PAPPA2: variants seen among roughly 807,000 people sequenced by gnomAD.
PAPPA2 encodes pappalysin 2.
A neutral mutation model predicts 176.4 loss-of-function variants in PAPPA2; 86 were observed. The ratio of observed to expected loss-of-function variants is 0.49; its 90% CI spans 0.41 to 0.58. PAPPA2 has a LOEUF of 0.58. Among genes scored for constraint, PAPPA2 ranks in the 20% least tolerant of loss-of-function variants. The pLI is 0.00. For missense variants in PAPPA2, 2,073 were observed against 2,256.9 expected (o/e 0.92, Z 1.65); for synonymous variants, 809 against 852.2 (o/e 0.95, Z 0.88).
intron 20 of PAPPA2, among the ~76,000 whole-genome samples, chr1:176,798,847 A>G (rs1012354659): frequency 1.3e-5 from 2 of 152,232 alleles, no homozygotes; most frequent in Non-Finnish European, 2.9e-5. Flanking sequence ...ATCAAACTTT[A>G]TAAGGATTTA....
chr1:176,755,342 T>C (rs1255458705), intron 14 of PAPPA2, among the ~76,000 whole-genome samples: 4 of 152,200 alleles, frequency 2.6e-5, no homozygotes, highest in African/African-American at 4.8e-5. Context: ...AAGACTTCCA[T>C]TTAGCCGTAG....
Position 176,556,581 on chromosome 1 carries a change from C to A in PAPPA2, c.259C>A (p.Gln87Lys). Reference protein sequence around the residue: ...NYLRPYPVGEQEIHHTGRSKP... With the variant: ...NYLRPYPVGEKEIHHTGRSKP... ...CCTAAGGCCCTACCCCGTGGGGGAG[C>A]AAGAAATCCATCATACAGGACGCAG... The change falls in exon 2 of 23, where the codon CAA becomes AAA. Residue 87 changes from glutamine to lysine, a missense_variant. By Grantham distance (53) the Gln-to-Lys change is moderately conservative. Coordinates refer to ENST00000367662, the MANE Select transcript of PAPPA2 (RefSeq NM_020318.3). 6.2e-7 allele frequency: 1 copy of A among 1,614,174 alleles called. No homozygotes were observed. The highest frequency in any genetic ancestry group is 1.1e-5 in the South Asian group (1 of 91,084).
At chr1:176,805,090 CCTTTT>C (rs1665845671) in intron 21 of PAPPA2, among the ~76,000 whole-genome samples, 1 of 126,896 alleles carries the variant, frequency 7.9e-6, no homozygotes, top group African/African-American at 2.8e-5. Flanking sequence ...TTCCTTCCTT[CCTTTT>C]ATTTTTCCTT....
At chr1:176,670,094 T>C (rs1253783313) in intron 3 of PAPPA2, among the ~76,000 whole-genome samples, 1 of 152,144 alleles carries the variant, frequency 6.6e-6, no homozygotes, top group Non-Finnish European at 1.5e-5. Flanking sequence ...TGTTCCTTCT[T>C]AAAAAACACT....
chr1:176,644,133 A>G (rs1286380764), intron 3 of PAPPA2, among the ~76,000 whole-genome samples: 3 of 151,882 alleles, frequency 2.0e-5, no homozygotes, highest in African/African-American at 7.2e-5. Flanking sequence ...TCAAAAGCTC[A>G]GTGTCTTCAC....
At chr1:176,836,532 T>C (rs1000536160) in intron 21 of PAPPA2, 2 of 152,208 alleles carry the variant, frequency 1.3e-5, no homozygotes, top group Non-Finnish European at 2.9e-5. Context: ...GAAAGAGAGA[T>C]CTTATCAGCC....
chr1:176,513,146 T>C (rs1164928328), intron 1 of PAPPA2, among the ~76,000 whole-genome samples: 1 of 147,988 alleles, frequency 6.8e-6, no homozygotes, highest in East Asian at 1.9e-4. Context: ...TTCTTTATTA[T>C]ACATTTCTGT....
At chr1:176,531,937 C>G (rs556011213) in intron 1 of PAPPA2, among the ~76,000 whole-genome samples, 1 of 152,300 alleles carries the variant, frequency 6.6e-6, no homozygotes, top group East Asian at 1.9e-4. Flanking sequence ...TTCTTGGGAA[C>G]TGGGCTTCCT....
chr1:176,712,116 A>G, intron 12 of PAPPA2, 135 bp downstream of exon 12: 1 of 1,093,414 alleles, frequency 9.1e-7, no homozygotes, highest in Non-Finnish European at 1.3e-6. Flanking sequence ...CAAAGTGTTA[A>G]TATTTTGAGT....
chr1:176,484,044 G>C (rs1053342318), intron 1 of PAPPA2, among the ~76,000 whole-genome samples: 1 of 152,056 alleles, frequency 6.6e-6, no homozygotes, highest in Non-Finnish European at 1.5e-5. Context: ...CCCAGAATTG[G>C]ACCACATCCA....
rs531165049 is a variant in PAPPA2, at chr1:176,470,948, C to T, written c.-917+7530C>T. ...TAGTTCCAAGTCCCCAGTGGCTTCTCGGGTCAAATAGCACATCCTCAGAAT... is the reference window on the plus strand; with the variant it reads ...TAGTTCCAAGTCCCCAGTGGCTTCTTGGGTCAAATAGCACATCCTCAGAAT... On this transcript the variant is annotated intron_variant, in intron 1 of 22. Coordinates refer to ENST00000367662, the MANE Select transcript of PAPPA2 (RefSeq NM_020318.3). 3.5e-4 allele frequency among the ~76,000 whole-genome samples: 53 copies of T among 152,136 alleles called. No homozygotes were observed. The Middle Eastern group carries it at 0.017, about 49-fold the overall frequency.
intron 17 of PAPPA2, among the ~76,000 whole-genome samples, chr1:176,778,916 C>G (rs1214616085): frequency 6.6e-6 from 1 of 152,076 alleles, no homozygotes; most frequent in Non-Finnish European, 1.5e-5. Flanking sequence ...TATTAAAGCC[C>G]CTTTTGGCTT....
intron 14 of PAPPA2, among the ~76,000 whole-genome samples, chr1:176,745,664 ATTAC>A (rs369316359): frequency 1.3e-5 from 2 of 152,342 alleles, no homozygotes; most frequent in East Asian, 3.9e-4. Flanking sequence ...GGGAGCAACC[ATTAC>A]TTTTATGAGT....
intron 1 of PAPPA2, among the ~76,000 whole-genome samples, chr1:176,538,493 AC>A (rs1650196105): frequency 6.6e-6 from 1 of 151,806 alleles, no homozygotes; most frequent in Admixed American, 6.6e-5. Context: ...GCCTTGATCC[AC>A]TCTTCCAATT....
intron 2 of PAPPA2, among the ~76,000 whole-genome samples, chr1:176,580,093 C>G (rs949317224): frequency 6.6e-6 from 1 of 152,204 alleles, no homozygotes; most frequent in East Asian, 1.9e-4. Flanking sequence ...TTCTATAGAG[C>G]ACTAGAACTT....
chr1:176,800,737 T>C (rs1665646432), intron 21 of PAPPA2, among the ~76,000 whole-genome samples: 2 of 152,162 alleles, frequency 1.3e-5, no homozygotes, highest in African/African-American at 4.8e-5. Context: ...TTAGCACAGC[T>C]TTTACCTTTC....
At chr1:176,832,927 A>G (rs1234755385) in intron 21 of PAPPA2, among the ~76,000 whole-genome samples, 1 of 152,046 alleles carries the variant, frequency 6.6e-6, no homozygotes, top group Non-Finnish European at 1.5e-5. Flanking sequence ...CTTCTCTTTC[A>G]GGCTCTGCAG....
chr1:176,603,665 A>G (rs1263221216), intron 3 of PAPPA2, among the ~76,000 whole-genome samples: 1 of 152,138 alleles, frequency 6.6e-6, no homozygotes, highest in Non-Finnish European at 1.5e-5. Flanking sequence ...TCCTTCTTGG[A>G]AGCATTCTGT....
At chr1:176,657,891 A>G (rs1047976850) in intron 3 of PAPPA2, among the ~76,000 whole-genome samples, 1 of 152,026 alleles carries the variant, frequency 6.6e-6, no homozygotes, top group South Asian at 2.1e-4. Context: ...GCAGGATAAT[A>G]TCAGTGAACC....
Sources: allele counts gnomAD v4.1 joint callset (sites outside exome capture counted in the v4.1 genomes callset), GRCh38; gene constraint gnomAD v4.1.1; transcripts MANE v1.5; gene names NCBI Gene and HGNC (gene_info 2026-07-23, HGNC 2026-07-21).